OSTN: variants seen among roughly 807,000 people sequenced by gnomAD.
OSTN encodes the protein osteocrin.
Under a neutral mutation model 12.0 loss-of-function variants are expected in OSTN, and 9 were observed. The observed-to-expected ratio is 0.75, with a 90% CI of 0.45 to 1.30. The LOEUF is 1.30. Among genes scored for constraint, OSTN ranks in the 50% most tolerant of loss-of-function variants. OSTN has a pLI of 0.00. For missense variants in OSTN, 148 were observed against 152.3 expected, an observed-to-expected ratio of 0.97 and a Z score of 0.15; for synonymous variants, 59 against 56.9, an observed-to-expected ratio of 1.04 and a Z score of -0.16.
intron 3 of OSTN, among the ~76,000 whole-genome samples, chr3:191,230,066 C>CAAATAAATAAATAAATA (rs372849844): frequency 2.7e-5 from 4 of 146,058 alleles, no homozygotes; most frequent in African/African-American, 1.0e-4. Context: ...GACTCAGTCT[C>CAAATAAATAAATAAATA]AATAAATAAA....
intron 1 of OSTN, among the ~76,000 whole-genome samples, chr3:191,203,949 G>A (rs1205659742): frequency 2.6e-5 from 4 of 152,100 alleles, no homozygotes; most frequent in Admixed American, 6.6e-5. Flanking sequence ...GTGCAATGGC[G>A]CAATCTCGGC....
intron 4 of OSTN, among the ~76,000 whole-genome samples, chr3:191,261,723 G>A (rs1049104399): frequency 6.6e-6 from 1 of 152,170 alleles, no homozygotes; most frequent in Non-Finnish European, 1.5e-5. Flanking sequence ...TTGAAAGGAC[G>A]ATAATTTGCT....
At chr3:191,238,813 T>C (rs1715258686) in intron 3 of OSTN, among the ~76,000 whole-genome samples, 1 of 152,218 alleles carries the variant, frequency 6.6e-6, no homozygotes, top group Non-Finnish European at 1.5e-5. Context: ...GATGGGACAG[T>C]CCTTTTACCT....
Position 191,265,516 on chromosome 3 carries a change from T to C in OSTN, c.*2663T>C, listed in dbSNP as rs567107565. 6.6e-6 allele frequency: 1 copy of C among 152,206 alleles called. No individual in the cohort carries two copies. The highest frequency in any genetic ancestry group is 1.5e-5 in the Non-Finnish European group (1 of 68,026). 9.4% of individuals were successfully genotyped at this position (152,206 alleles called of 1,614,324 possible). ...TGGAATCTTCTAAAAGGAAAAAGTA[T>C]AAAAAGCTTTCTGAATGATATTACC... On this transcript the variant is annotated 3_prime_UTR_variant, in exon 5 of 5. Coordinates refer to ENST00000682035, the MANE Select transcript of OSTN (RefSeq NM_198184.2).
At chr3:191,239,001 G>A (rs1233371893) in intron 3 of OSTN, among the ~76,000 whole-genome samples, 2 of 152,124 alleles carry the variant, frequency 1.3e-5, no homozygotes, top group East Asian at 1.9e-4. Flanking sequence ...AGTTTCATTC[G>A]CTTCTCAAGG....
intron 1 of OSTN, among the ~76,000 whole-genome samples, chr3:191,202,662 A>C (rs912161574): frequency 2.0e-5 from 3 of 152,240 alleles, no homozygotes; most frequent in African/African-American, 7.2e-5. Context: ...TTAACTTCAG[A>C]TTTAAATATG....
intron 4 of OSTN, among the ~76,000 whole-genome samples, chr3:191,251,346 TC>T (rs1186666809): frequency 6.6e-6 from 1 of 152,198 alleles, no homozygotes; most frequent in African/African-American, 2.4e-5. Flanking sequence ...CAATATGTTT[TC>T]TTCCAATAGG....
At chr3:191,204,744 C>A (rs1036003050) in intron 1 of OSTN, among the ~76,000 whole-genome samples, 1 of 152,162 alleles carries the variant, frequency 6.6e-6, no homozygotes, top group African/African-American at 2.4e-5. Context: ...ATTGAAATAT[C>A]GAGATTACCT....
At chr3:191,234,849 A>C (rs1332232228) in intron 3 of OSTN, among the ~76,000 whole-genome samples, 3 of 151,824 alleles carry the variant, frequency 2.0e-5, no homozygotes, top group Non-Finnish European at 4.4e-5. Flanking sequence ...GTCTTCCCCA[A>C]ATTATCTATT....
At chr3:191,208,659 T>A (rs965919500) in intron 1 of OSTN, among the ~76,000 whole-genome samples, 3 of 152,240 alleles carry the variant, frequency 2.0e-5, no homozygotes, top group Non-Finnish European at 4.4e-5. Context: ...CTCATCATCC[T>A]GTACCATTTA....
chr3:191,204,263 A>G (rs2108587597), intron 1 of OSTN, among the ~76,000 whole-genome samples: 1 of 152,258 alleles, frequency 6.6e-6, no homozygotes, highest in South Asian at 2.1e-4. Context: ...TCAGGAATCC[A>G]AAACATAAAG....
intron 4 of OSTN, among the ~76,000 whole-genome samples, chr3:191,253,903 T>A (rs1421591486): frequency 6.6e-6 from 1 of 152,222 alleles, no homozygotes; most frequent in East Asian, 1.9e-4. Context: ...CAATCCCCAC[T>A]TTGAAACTTA....
intron 4 of OSTN, among the ~76,000 whole-genome samples, chr3:191,256,274 AC>A (rs1715668143): frequency 6.6e-6 from 1 of 152,202 alleles, no homozygotes; most frequent in African/African-American, 2.4e-5. Context: ...AAAGTAAAAC[AC>A]ATTTCAGACT....
chr3:191,244,986 T>C (rs908277010), intron 3 of OSTN, among the ~76,000 whole-genome samples: 1 of 152,170 alleles, frequency 6.6e-6, no homozygotes, highest in Non-Finnish European at 1.5e-5. Flanking sequence ...GAGGAACCTA[T>C]GGTGTTTCTG....
intron 4 of OSTN, among the ~76,000 whole-genome samples, chr3:191,254,447 G>A (rs975640774): frequency 3.9e-5 from 6 of 152,126 alleles, no homozygotes; most frequent in East Asian, 1.9e-4. Flanking sequence ...TCAGTCTGCC[G>A]GGCTTTATGA....
chr3:191,209,580 T>G (rs778369081), intron 1 of OSTN, among the ~76,000 whole-genome samples: 1 of 152,238 alleles, frequency 6.6e-6, no homozygotes, highest in Non-Finnish European at 1.5e-5. Flanking sequence ...AATGAACAAC[T>G]ATTTTAAACA....
rs1277478768 is a variant in OSTN, at chr3:191,244,449, C to T, written c.318-5588C>T. On this transcript the variant is annotated intron_variant, in intron 3 of 4. Coordinates refer to ENST00000682035, the MANE Select transcript of OSTN (RefSeq NM_198184.2). ...AAGCCATGTCATACCATTATTTTGT[C>T]ACAAGAGGGACTAGATAGTCAAAAA... is the stretch of plus-strand genomic sequence containing the variant. Among the ~76,000 whole-genome samples the T allele has an allele frequency of 9.2e-5, 14 of 151,580 alleles. No individual in the cohort carries two copies. The East Asian group carries it at 2.3e-3, about 25-fold the overall frequency.
At chr3:191,253,161 A>G (rs998195060) in intron 4 of OSTN, among the ~76,000 whole-genome samples, 7 of 152,260 alleles carry the variant, frequency 4.6e-5, no homozygotes, top group Non-Finnish European at 7.3e-5. Flanking sequence ...ACGAACAGAA[A>G]TGGTATCTCG....
In OSTN at chr3:191,227,672, G is replaced by GA. The variant is rs747911834; in HGVS notation, c.317+8713dup. On this transcript the variant is annotated intron_variant, in intron 3 of 4. Transcript: ENST00000682035. Reference sequence around the variant, plus strand: ...TTAAAGGCAGTTTGTCGTTCTGGGGGAACGACTGTTTTTCTGAGGAGGCTT... The same window carrying GA: ...TTAAAGGCAGTTTGTCGTTCTGGGGGAAACGACTGTTTTTCTGAGGAGGCTT... 3.9e-5 allele frequency among the ~76,000 whole-genome samples: 6 copies of GA among 152,202 alleles called. No homozygotes were observed. In the East Asian group the frequency reaches 1.2e-3, roughly 29 times the overall value.
Sources: gnomAD v4.1 joint callset for allele counts (sites outside exome capture counted in the v4.1 genomes callset) on GRCh38, gnomAD v4.1.1 for gene constraint, MANE v1.5 for transcripts, NCBI Gene and HGNC (gene_info 2026-07-23, HGNC 2026-07-21) for gene names.